CACNB4: variants seen among roughly 807,000 people sequenced by gnomAD.
The protein encoded by CACNB4 is voltage-dependent L-type calcium channel subunit beta-4.
A neutral mutation model predicts 71.2 loss-of-function variants in CACNB4; 32 were observed. That is an observed-to-expected ratio of 0.45 (90% CI 0.34 to 0.60). CACNB4 has a LOEUF of 0.60. Ranked by LOEUF, CACNB4 falls within the 20% of genes least tolerant of loss-of-function variation. The pLI, the probability that CACNB4 is intolerant of heterozygous loss-of-function variation, is 0.01. For missense variants in CACNB4, 464 were observed against 647.9 expected (o/e 0.72, Z 3.08); for synonymous variants, 231 against 236.9 (o/e 0.97, Z 0.23).
chr2:152,028,300 A>G (rs1221135154), intron 2 of CACNB4, among the ~76,000 whole-genome samples: 1 of 152,210 alleles, frequency 6.6e-6, no homozygotes, highest in East Asian at 1.9e-4. Flanking sequence ...GCTGCACTAC[A>G]AAATTTAAAT....
chr2:151,920,248 AGTAAAATGATT>A (rs2099858620), intron 2 of CACNB4, among the ~76,000 whole-genome samples: 1 of 113,730 alleles, frequency 8.8e-6, no homozygotes, highest in African/African-American at 3.5e-5. Context: ...ATAGAACAAT[AGTAAAATGATT>A]TCATTTTATG....
chr2:151,901,986 C>T (rs2099853550), intron 2 of CACNB4, among the ~76,000 whole-genome samples: 1 of 151,054 alleles, frequency 6.6e-6, no homozygotes, highest in South Asian at 2.1e-4. Context: ...TAAGTAGATG[C>T]AGCTGAAGTT....
chr2:151,992,808 G>T (rs4664517), intron 2 of CACNB4, among the ~76,000 whole-genome samples: 17,336 of 152,238 alleles, frequency 0.11, 1,296 homozygotes, highest in East Asian at 0.26. Context: ...CTTAGCCAAT[G>T]TAAGCTGAGT....
At chr2:151,964,224 T>A (rs534885532) in intron 2 of CACNB4, among the ~76,000 whole-genome samples, 24 of 152,148 alleles carry the variant, frequency 1.6e-4, no homozygotes, top group African/African-American at 5.8e-4. Context: ...GAAGAATCCA[T>A]TGATATGAAA....
intron 2 of CACNB4, among the ~76,000 whole-genome samples, chr2:151,936,872 C>T (rs1174304322): frequency 3.3e-5 from 5 of 152,206 alleles, no homozygotes; most frequent in African/African-American, 9.7e-5. Flanking sequence ...TACAAACCTT[C>T]GAAAAACCCT....
At chr2:152,062,667 C>A (rs1686084731) in intron 2 of CACNB4, among the ~76,000 whole-genome samples, 1 of 152,162 alleles carries the variant, frequency 6.6e-6, no homozygotes, top group African/African-American at 2.4e-5. Flanking sequence ...GCTCTCTTTC[C>A]ACCAGCTTTG....
chr2:151,878,220 G>C (rs956099837), intron 4 of CACNB4, among the ~76,000 whole-genome samples: 7 of 150,836 alleles, frequency 4.6e-5, no homozygotes, highest in Non-Finnish European at 7.4e-5. Flanking sequence ...ATATATATAT[G>C]ATTCTGATAC....
chr2:152,045,162 AT>A (rs527360003), intron 2 of CACNB4, among the ~76,000 whole-genome samples: 7 of 152,004 alleles, frequency 4.6e-5, no homozygotes, highest in African/African-American at 1.7e-4. Flanking sequence ...TCATTGGCCA[AT>A]TTTTTTTCAG....
intron 2 of CACNB4, among the ~76,000 whole-genome samples, chr2:152,007,012 T>C (rs1682769004): frequency 1.3e-5 from 2 of 152,182 alleles, no homozygotes; most frequent in South Asian, 2.1e-4. Flanking sequence ...AATAAGTACC[T>C]GTTTCAGAGG....
intron 2 of CACNB4, among the ~76,000 whole-genome samples, chr2:152,017,060 C>T (rs1021455267): frequency 6.9e-6 from 1 of 144,958 alleles, no homozygotes; most frequent in Non-Finnish European, 1.5e-5. Context: ...CTTCTCCAGG[C>T]ATTTCATCTT....
intron 2 of CACNB4, among the ~76,000 whole-genome samples, chr2:151,933,537 C>T (rs1279208724): frequency 6.6e-6 from 1 of 152,028 alleles, no homozygotes; most frequent in Non-Finnish European, 1.5e-5. Flanking sequence ...CTCAAAAAGA[C>T]CAAGCAATGC....
intron 2 of CACNB4, among the ~76,000 whole-genome samples, chr2:151,900,482 T>C (rs2151502509): frequency 1.3e-5 from 2 of 152,272 alleles, no homozygotes; most frequent in East Asian, 3.9e-4. Flanking sequence ...AACAAAGGCA[T>C]GAAAGTGGTG....
chr2:152,044,507 C>T (rs767068303), intron 2 of CACNB4, among the ~76,000 whole-genome samples: 6 of 152,132 alleles, frequency 3.9e-5, no homozygotes, highest in Admixed American at 1.3e-4. Context: ...CGTGAGCCAC[C>T]GCACCCGGCC....
intron 2 of CACNB4, among the ~76,000 whole-genome samples, chr2:152,083,933 C>T (rs1291178233): frequency 6.6e-6 from 1 of 152,204 alleles, no homozygotes; most frequent in Non-Finnish European, 1.5e-5. Context: ...CTGACATCAC[C>T]TTCTCCTTTC....
intron 2 of CACNB4, among the ~76,000 whole-genome samples, chr2:152,029,097 G>A (rs1354823137): frequency 6.6e-6 from 1 of 152,200 alleles, no homozygotes; most frequent in African/African-American, 2.4e-5. Flanking sequence ...CCTCCAATAT[G>A]ATGGTATTTG....
At chr2:152,052,975 C>T (rs1243001851) in intron 2 of CACNB4, among the ~76,000 whole-genome samples, 1 of 151,544 alleles carries the variant, frequency 6.6e-6, no homozygotes, top group Non-Finnish European at 1.5e-5. Context: ...TAGCAAGACT[C>T]TGTCTAAAAA....
chr2:151,880,088 T>C (rs2099847449), intron 4 of CACNB4: 1 of 152,280 alleles, frequency 6.6e-6, no homozygotes, highest in African/African-American at 2.4e-5. Context: ...TCACCTCATA[T>C]ACCATCAAGA....
Position 151,883,370 on chromosome 2 carries a change from C to T in CACNB4, c.148G>A (p.Gly50Ser). 8 of 1,613,836 alleles carry T rather than the reference C, an allele frequency of 5.0e-6. No individual in the cohort carries two copies. The highest frequency in any genetic ancestry group is 6.8e-6 in the Non-Finnish European group (8 of 1,179,800). Reference sequence around the variant, plus strand: ...CTGCTTGTGTAGGAATCCGCTGAACCCTGGCAAAGAAAATAGAATAGTTTC... The same window carrying T: ...CTGCTTGTGTAGGAATCCGCTGAACTCTGGCAAAGAAAATAGAATAGTTTC... ...TTSTSFILRQ[G>S]SADSYTSRPS... Residue 50 changes from glycine (G) to serine (S), a missense_variant and splice_region_variant, in exon 3 of 14, where the codon GGT becomes AGT. Transcript: ENST00000539935.
At chr2:152,060,733 C>T (rs749699530) in intron 2 of CACNB4, among the ~76,000 whole-genome samples, 28 of 151,982 alleles carry the variant, frequency 1.8e-4, no homozygotes, top group African/African-American at 6.0e-4. Context: ...AAATACATCA[C>T]GGTACATCTA....
Sources: allele counts gnomAD v4.1 joint callset (sites outside exome capture counted in the v4.1 genomes callset), GRCh38; gene constraint gnomAD v4.1.1; transcripts MANE v1.5; gene names NCBI Gene and HGNC (gene_info 2026-07-23, HGNC 2026-07-21).